The following GPC6 variants were observed in gnomAD, a reference collection of about 807,000 sequenced individuals.
GPC6 encodes glypican 6.
Under a neutral mutation model 55.2 loss-of-function variants are expected in GPC6, and 14 were observed. That is an observed-to-expected ratio of 0.25 (90% CI 0.17 to 0.40). The LOEUF is 0.40. Ranked by LOEUF, GPC6 falls within the 10% of genes least tolerant of loss-of-function variation. GPC6 has a pLI of 1.00. For missense variants in GPC6, 641 were observed against 708.5 expected (o/e 0.90, Z 1.08); for synonymous variants, 278 against 259.6 (o/e 1.07, Z -0.68).
intron 1 of GPC6, among the ~76,000 whole-genome samples, chr13:93,436,624 G>A (rs1194773030): frequency 2.6e-5 from 4 of 151,956 alleles, no homozygotes; most frequent in African/African-American, 2.4e-5. Flanking sequence ...TTAATTCCAT[G>A]TATACTTAGG....
At chr13:93,994,216 A>G (rs117293359) in intron 3 of GPC6, among the ~76,000 whole-genome samples, 4,827 of 152,318 alleles carry the variant, frequency 0.032, 128 homozygotes, top group Non-Finnish European at 0.049. Flanking sequence ...CCATTTAAGT[A>G]AGGGCATGAA....
At chr13:93,605,593 T>C (rs1878203575) in intron 2 of GPC6, among the ~76,000 whole-genome samples, 1 of 152,028 alleles carries the variant, frequency 6.6e-6, no homozygotes, top group Non-Finnish European at 1.5e-5. Context: ...TCCCAGCACT[T>C]TGGGACGCCA....
chr13:94,370,514 G>T (rs58465969), intron 6 of GPC6, among the ~76,000 whole-genome samples: 1,680 of 152,252 alleles, frequency 0.011, 23 homozygotes, highest in African/African-American at 0.038. Flanking sequence ...CGTTAGAAGT[G>T]TTTAATGAAG....
rs532274193 is a variant in GPC6 at position 93,454,546 on chromosome 13, C to CTAGA, written c.161-90716_161-90713dup. On this transcript the variant is annotated intron_variant, in intron 1 of 8. Transcript: ENST00000377047. Reference sequence around the variant, plus strand: ...CACTGGTGCATTCACAAACCCTGAGCTAGACACAGGGTGCTGAGTGGTGTG... The same window carrying CTAGA: ...CACTGGTGCATTCACAAACCCTGAGCTAGATAGACACAGGGTGCTGAGTGGTGTG... Among the ~76,000 whole-genome samples the CTAGA allele has an allele frequency of 5.3e-5, 8 of 150,780 alleles. No homozygotes were observed. In the South Asian group the frequency reaches 1.7e-3, roughly 32 times the overall value.
intron 3 of GPC6, among the ~76,000 whole-genome samples, chr13:93,841,129 A>G (rs897580009): frequency 2.6e-5 from 4 of 152,128 alleles, no homozygotes; most frequent in Admixed American, 6.6e-5. Context: ...TTATTGTCCC[A>G]TCTTCAGAGA....
chr13:93,331,071 G>A (rs929151341), intron 1 of GPC6, among the ~76,000 whole-genome samples: 2 of 152,034 alleles, frequency 1.3e-5, no homozygotes, highest in Non-Finnish European at 2.9e-5. Context: ...GTCTTTGGGG[G>A]CTCTATTTGG....
chr13:93,404,607 G>C (rs1344836105), intron 1 of GPC6, among the ~76,000 whole-genome samples: 1 of 152,016 alleles, frequency 6.6e-6, no homozygotes. Flanking sequence ...TTTAAAATCA[G>C]TCTTATTTTC....
intron 1 of GPC6, among the ~76,000 whole-genome samples, chr13:93,514,316 G>C (rs1157476449): frequency 6.6e-6 from 1 of 152,136 alleles, no homozygotes; most frequent in African/African-American, 2.4e-5. Flanking sequence ...CAGAATACAA[G>C]AAGAGTCAAC....
At chr13:93,824,783 A>G (rs769311715) in intron 2 of GPC6, among the ~76,000 whole-genome samples, 2 of 152,056 alleles carry the variant, frequency 1.3e-5, no homozygotes, top group Non-Finnish European at 2.9e-5. Context: ...GGGCCCACAA[A>G]ATCATCACTA....
intron 4 of GPC6, among the ~76,000 whole-genome samples, chr13:94,129,372 G>A (rs1011163421): frequency 6.6e-6 from 1 of 151,974 alleles, no homozygotes; most frequent in Non-Finnish European, 1.5e-5. Flanking sequence ...TAGCTTCTGG[G>A]TCAGTTAAGC....
At chr13:94,001,358 CA>C (rs1219822017) in intron 3 of GPC6, among the ~76,000 whole-genome samples, 11 of 152,230 alleles carry the variant, frequency 7.2e-5, no homozygotes, top group Admixed American at 7.2e-4. Context: ...AAGAAAATTA[CA>C]TTTTTAAACA....
chr13:94,096,062 G>T (rs115811309), intron 4 of GPC6, among the ~76,000 whole-genome samples: 3 of 152,068 alleles, frequency 2.0e-5, no homozygotes, highest in African/African-American at 7.2e-5. Context: ...TGCTGGAAAG[G>T]ATTCTTCCTA....
At position 93,796,267 on chromosome 13, in the gene GPC6, A is replaced by AT. The variant is rs199783709; in HGVS notation, c.320-33881dup. 4.6e-3 allele frequency among the ~76,000 whole-genome samples: 707 copies of AT among 152,242 alleles called. 8 individuals are homozygous for AT. Among genetic ancestry groups the AT allele is most frequent in the African/African-American group, 0.016 (676 of 41,552 alleles). On this transcript the variant is annotated intron_variant, in intron 2 of 8. Coordinates refer to ENST00000377047, the MANE Select transcript of GPC6 (RefSeq NM_005708.5). The stretch of plus-strand genomic sequence containing the variant: ...CTCATATTAGCAGTCTAGTAATTGG[A>AT]TTTTTTCATTTAACAGAGGAAAAAG...
rs889295260 is a variant in GPC6, at chr13:93,510,989, A to G, written c.161-34274A>G. 1.3e-3 allele frequency among the ~76,000 whole-genome samples: 19 copies of G among 14,942 alleles called. 2 individuals carry two copies. The highest frequency in any genetic ancestry group is 3.4e-3 in the African/African-American group (17 of 5,006). 9.8% of individuals were successfully genotyped at this position (14,942 alleles called of 152,430 possible). On this transcript the variant is annotated intron_variant, in intron 1 of 8. Coordinates refer to ENST00000377047, the MANE Select transcript of GPC6 (RefSeq NM_005708.5). Reference sequence around the variant, plus strand: ...TATATATGTGTATATATATATGTGTATATATATATATATATATTCATGTCC... The same window carrying G: ...TATATATGTGTATATATATATGTGTGTATATATATATATATATTCATGTCC...
At chr13:94,384,693 TCAGA>T (rs1880324685) in intron 7 of GPC6, among the ~76,000 whole-genome samples, 1 of 152,160 alleles carries the variant, frequency 6.6e-6, no homozygotes, top group Non-Finnish European at 1.5e-5. Context: ...GATTAAGAAC[TCAGA>T]CAGGGTAAAC....
intron 5 of GPC6, among the ~76,000 whole-genome samples, chr13:94,288,875 A>G (rs1288584343): frequency 2.7e-4 from 9 of 32,750 alleles, no homozygotes; most frequent in Non-Finnish European, 6.3e-4. Flanking sequence ...TATTTGTTAT[A>G]TATATAACTA....
intron 3 of GPC6, among the ~76,000 whole-genome samples, chr13:93,984,315 G>T (rs9516323): frequency 0.15 from 23,456 of 152,104 alleles, 2,152 homozygotes; most frequent in East Asian, 0.39. Context: ...ATGCATGAAG[G>T]AGGCTTTACG....
chr13:94,168,379 G>C (rs1433399589), intron 4 of GPC6, among the ~76,000 whole-genome samples: 2 of 152,174 alleles, frequency 1.3e-5, no homozygotes, highest in Non-Finnish European at 2.9e-5. Flanking sequence ...CAGCTTGAGG[G>C]AAACAGTCCA....
intron 2 of GPC6, among the ~76,000 whole-genome samples, chr13:93,766,914 TTTTA>T (rs1885144357): frequency 6.6e-6 from 1 of 152,136 alleles, no homozygotes; most frequent in African/African-American, 2.4e-5. Flanking sequence ...GGGTCACTCA[TTTTA>T]GCTGAGTGGA....
Sources: gnomAD v4.1 joint callset for allele counts (sites outside exome capture counted in the v4.1 genomes callset) on GRCh38, gnomAD v4.1.1 for gene constraint, MANE v1.5 for transcripts, NCBI Gene and HGNC (gene_info 2026-07-23, HGNC 2026-07-21) for gene names.